FHIT: variants seen among roughly 807,000 people sequenced by gnomAD.
FHIT encodes bis(5'-adenosyl)-triphosphatase.
A neutral mutation model predicts 17.9 loss-of-function variants in FHIT; 19 were observed. The observed-to-expected ratio is 1.06, with a 90% confidence interval of 0.74 to 1.56. FHIT has a LOEUF of 1.56. FHIT is among the 40% of genes most tolerant of loss of function. FHIT has a pLI of 0.00. For missense variants in FHIT, 248 were observed against 189.2 expected (o/e 1.31, Z -1.82); for synonymous variants, 81 against 69.7 (o/e 1.16, Z -0.81).
intron 5 of FHIT, among the ~76,000 whole-genome samples, chr3:60,080,302 G>T (rs140194323): frequency 3.4e-4 from 52 of 152,148 alleles, no homozygotes; most frequent in Non-Finnish European, 7.2e-4. Flanking sequence ...TATGGGGGTG[G>T]GAGAACCTCT....
At chr3:59,877,766 A>C (rs767887312) in intron 8 of FHIT, among the ~76,000 whole-genome samples, 3 of 152,242 alleles carry the variant, frequency 2.0e-5, no homozygotes, top group Non-Finnish European at 2.9e-5. Context: ...ATATCTCTCC[A>C]TATGTTTCCT....
intron 5 of FHIT, among the ~76,000 whole-genome samples, chr3:60,446,523 G>A (rs569090739): frequency 9.4e-4 from 143 of 152,142 alleles, no homozygotes; most frequent in Non-Finnish European, 1.8e-3. Context: ...CCTGTCATTC[G>A]TGGATGTGCA....
intron 3 of FHIT, among the ~76,000 whole-genome samples, chr3:60,844,942 A>T (rs1553746050): frequency 1.3e-5 from 2 of 152,090 alleles, no homozygotes; most frequent in African/African-American, 4.8e-5. Flanking sequence ...TGTTACAATC[A>T]TGTGATCTGC....
chr3:60,118,020 G>A (rs939779922), intron 5 of FHIT, among the ~76,000 whole-genome samples: 1 of 152,180 alleles, frequency 6.6e-6, no homozygotes, highest in Admixed American at 6.5e-5. Context: ...GATGATCCAA[G>A]CGGTGAGTTT....
At chr3:60,990,399 G>A (rs1290872334) in intron 3 of FHIT, among the ~76,000 whole-genome samples, 2 of 152,182 alleles carry the variant, frequency 1.3e-5, no homozygotes, top group South Asian at 2.1e-4. Flanking sequence ...ACAAAGGATC[G>A]TTAATGATTC....
chr3:60,097,395 T>C (rs1430441774), intron 5 of FHIT, among the ~76,000 whole-genome samples: 1 of 152,168 alleles, frequency 6.6e-6, no homozygotes, highest in African/African-American at 2.4e-5. Flanking sequence ...CCCTGAGGTA[T>C]ACTGTGTTCA....
chr3:60,366,458 C>T (rs868575332), intron 5 of FHIT, among the ~76,000 whole-genome samples: 14 of 152,222 alleles, frequency 9.2e-5, no homozygotes, highest in South Asian at 4.2e-4. Context: ...TCTCATTTGA[C>T]CCTTGCTATG....
chr3:60,154,246 G>A (rs377060466), intron 5 of FHIT, among the ~76,000 whole-genome samples: 1 of 152,062 alleles, frequency 6.6e-6, no homozygotes, highest in Non-Finnish European at 1.5e-5. Context: ...TACAACCTCC[G>A]GCATATATGA....
At chr3:60,538,291 G>A (rs1370215292) in intron 4 of FHIT, among the ~76,000 whole-genome samples, 2 of 152,138 alleles carry the variant, frequency 1.3e-5, no homozygotes, top group South Asian at 2.1e-4. Context: ...AATAAAAGAG[G>A]ACACAAACAA....
chr3:60,203,673 A>G (rs564202560), intron 5 of FHIT, among the ~76,000 whole-genome samples: 3 of 152,334 alleles, frequency 2.0e-5, no homozygotes, highest in African/African-American at 7.2e-5. Flanking sequence ...ACAAAAACAT[A>G]TATGTACACA....
At chr3:60,427,224 A>G (rs1702703293) in intron 5 of FHIT, among the ~76,000 whole-genome samples, 1 of 152,092 alleles carries the variant, frequency 6.6e-6, no homozygotes, top group Non-Finnish European at 1.5e-5. Flanking sequence ...TGTGGCGGAG[A>G]CCTGAGAGCA....
chr3:60,940,713 A>C (rs1553774290), intron 3 of FHIT, among the ~76,000 whole-genome samples: 1 of 152,216 alleles, frequency 6.6e-6, no homozygotes, highest in East Asian at 1.9e-4. Context: ...TACAGTATAC[A>C]TATTTTCCTA....
At chr3:60,312,479 T>G (rs1419986329) in intron 5 of FHIT, among the ~76,000 whole-genome samples, 1 of 152,150 alleles carries the variant, frequency 6.6e-6, no homozygotes, top group African/African-American at 2.4e-5. Flanking sequence ...GTGGTTAAAA[T>G]CCTTTAAAGA....
chr3:59,925,174 G>A (rs1348419527), intron 7 of FHIT, among the ~76,000 whole-genome samples: 2 of 151,094 alleles, frequency 1.3e-5, no homozygotes, highest in East Asian at 3.9e-4. Context: ...TACAATCATA[G>A]CTCACTGCAG....
chr3:60,465,421 T>C (rs1228607482), intron 5 of FHIT, among the ~76,000 whole-genome samples: 3 of 152,174 alleles, frequency 2.0e-5, no homozygotes, highest in African/African-American at 4.8e-5. Context: ...ATTTTTGCTT[T>C]GGTTAACTGT....
intron 8 of FHIT, among the ~76,000 whole-genome samples, chr3:59,824,551 C>T (rs1299651773): frequency 6.6e-6 from 1 of 152,218 alleles, no homozygotes; most frequent in African/African-American, 2.4e-5. Flanking sequence ...TTTCATACAG[C>T]CATGTAGCAA....
chr3:60,834,063 G>C (rs6782282), intron 3 of FHIT, among the ~76,000 whole-genome samples: 11,395 of 152,122 alleles, frequency 0.075, 527 homozygotes, highest in African/African-American at 0.12. Context: ...GTCCAGTTTG[G>C]GGCTATTACA....
intron 7 of FHIT, among the ~76,000 whole-genome samples, chr3:60,009,394 A>G (rs1029223403): frequency 5.3e-5 from 8 of 152,190 alleles, no homozygotes; most frequent in Admixed American, 1.3e-4. Flanking sequence ...AGTTCAACTT[A>G]AGCTAAATAA....
At chr3:60,113,205 G>C (rs540544204) in intron 5 of FHIT, among the ~76,000 whole-genome samples, 3 of 152,132 alleles carry the variant, frequency 2.0e-5, no homozygotes, top group African/African-American at 7.2e-5. Context: ...CTACTAAGAC[G>C]CAAGCTCTGT....
Sources: gnomAD v4.1 joint callset for allele counts (sites outside exome capture counted in the v4.1 genomes callset) on GRCh38, gnomAD v4.1.1 for gene constraint, MANE v1.5 for transcripts, NCBI Gene and HGNC (gene_info 2026-07-23, HGNC 2026-07-21) for gene names.